The following TMCC1 variants were observed in gnomAD, a reference collection of about 807,000 sequenced individuals.
TMCC1 encodes the protein transmembrane and coiled-coil domain family 1.
In TMCC1, 15 loss-of-function variants were observed where a neutral mutation model predicts 52.4. That is an observed-to-expected ratio of 0.29 (90% CI 0.19 to 0.44). TMCC1 has a LOEUF of 0.44. TMCC1 is among the 20% of genes least tolerant of loss of function. TMCC1 has a pLI of 1.00. For missense variants in TMCC1, 503 were observed against 806.0 expected (o/e 0.62, Z 4.55); for synonymous variants, 279 against 301.9 (o/e 0.92, Z 0.79).
intron 2 of TMCC1, among the ~76,000 whole-genome samples, chr3:129,872,539 AT>A (rs1198876280): frequency 6.6e-6 from 1 of 152,202 alleles, no homozygotes; most frequent in Non-Finnish European, 1.5e-5. Flanking sequence ...ACTTCTGGGA[AT>A]TTCTTTCCTT....
intron 4 of TMCC1, chr3:129,688,606 C>A: frequency 1.0e-6 from 1 of 985,500 alleles, no homozygotes; most frequent in Non-Finnish European, 1.2e-6. Context: ...TCTCCTGTAG[C>A]AACTCTTAGA....
chr3:129,666,247 C>T (rs572846617), intron 5 of TMCC1, among the ~76,000 whole-genome samples: 151 of 152,172 alleles, frequency 9.9e-4, no homozygotes, highest in African/African-American at 3.4e-3. Flanking sequence ...ATAAAAAAAG[C>T]AGACAAACTG....
In TMCC1 at chr3:129,823,665, T is replaced by C. The variant is rs1326613549; in HGVS notation, c.576+4138A>G. On this transcript the variant is annotated intron_variant, in intron 4 of 6. Transcript: ENST00000393238. Reference sequence around the variant, plus strand: ...AAACAAACAAAAAAACAGTCTGCAATAGTAATTACCTTACACAAAACACAA... The same window carrying C: ...AAACAAACAAAAAAACAGTCTGCAACAGTAATTACCTTACACAAAACACAA... Among the ~76,000 whole-genome samples, 6 of 152,254 alleles carry C rather than the reference T, an allele frequency of 3.9e-5. No homozygotes were observed. In the South Asian group the frequency reaches 8.3e-4, roughly 21 times the overall value.
intron 1 of TMCC1, among the ~76,000 whole-genome samples, chr3:129,881,797 A>G (rs1057013448): frequency 3.3e-5 from 5 of 152,244 alleles, no homozygotes; most frequent in African/African-American, 1.2e-4. Flanking sequence ...AGACACAGAA[A>G]TAAAAACTAT....
intron 2 of TMCC1, among the ~76,000 whole-genome samples, chr3:129,859,431 G>T (rs780572039): frequency 1.1e-4 from 16 of 152,060 alleles, no homozygotes; most frequent in Non-Finnish European, 2.1e-4. Context: ...GAGGCCAGGA[G>T]TTTGAGAACA....
chr3:129,828,150 G>C lies in TMCC1; in HGVS notation c.229C>G (p.Pro77Ala). 2 of 1,614,134 alleles carry C rather than the reference G, an allele frequency of 1.2e-6. No individual in the cohort carries two copies. The highest frequency in any genetic ancestry group is 1.7e-6 in the Non-Finnish European group (2 of 1,180,036). Residue 77 changes from proline to alanine, a missense_variant, in exon 4 of 7, where the codon CCA becomes GCA. By Grantham distance (27) the Pro-to-Ala change is conservative. Around this residue, in one of 7 missense-constraint regions of TMCC1, gnomAD observed 217 missense variants for 297.9 expected, o/e 0.73. Coordinates refer to ENST00000393238, the MANE Select transcript of TMCC1 (RefSeq NM_001017395.5). This position sits in a 1 kb window ranked among gnomAD's most constrained non-coding sequence, Gnocchi z 4.1. ...PHDVQQIQADPEPEMDLESQN... is the reference protein window; with the variant it reads ...PHDVQQIQADAEPEMDLESQN... ...CTTTCCAGATCCATTTCAGGTTCTG[G>C]ATCTGCCTGAATTTGCTGCACATCA...
At chr3:129,815,033 G>C (rs1316075129) in intron 4 of TMCC1, among the ~76,000 whole-genome samples, 1 of 151,978 alleles carries the variant, frequency 6.6e-6, no homozygotes, top group Non-Finnish European at 1.5e-5. Context: ...AGACACAAAA[G>C]TTAAAGTAGA....
At chr3:129,765,137 C>A (rs1484752228) in intron 4 of TMCC1, among the ~76,000 whole-genome samples, 85 of 147,914 alleles carry the variant, frequency 5.7e-4, no homozygotes, top group African/African-American at 2.1e-3. Flanking sequence ...TTCAAATACT[C>A]AAAAAAAAAC....
chr3:129,680,825 G>A (rs956761712), intron 4 of TMCC1, among the ~76,000 whole-genome samples: 1 of 151,874 alleles, frequency 6.6e-6, no homozygotes, highest in Admixed American at 6.6e-5. Flanking sequence ...TGCTTGAACC[G>A]GGGGGTGGAG....
At chr3:129,827,750 C>G in intron 4 of TMCC1, 53 bp downstream of exon 4, 4 of 1,574,772 alleles carry the variant, frequency 2.5e-6, no homozygotes, top group Non-Finnish European at 2.6e-6. Context: ...TCTGGAGAGT[C>G]CTAGGTATGA....
intron 4 of TMCC1, among the ~76,000 whole-genome samples, chr3:129,800,334 G>C (rs2057108443): frequency 1.3e-5 from 2 of 152,048 alleles, no homozygotes; most frequent in Non-Finnish European, 2.9e-5. Context: ...TTTTTCTTGG[G>C]TATATGTAGC....
intron 4 of TMCC1, among the ~76,000 whole-genome samples, chr3:129,801,845 T>C (rs537947722): frequency 2.0e-5 from 3 of 152,214 alleles, no homozygotes; most frequent in Non-Finnish European, 4.4e-5. Flanking sequence ...ATCAGTCCAC[T>C]TCATGTCATT....
At chr3:129,699,979 T>C (rs1158860378) in intron 4 of TMCC1, among the ~76,000 whole-genome samples, 1 of 152,200 alleles carries the variant, frequency 6.6e-6, no homozygotes, top group Non-Finnish European at 1.5e-5. Flanking sequence ...GAGCTGTCCA[T>C]TACTATTTTT....
In TMCC1 at chr3:129,759,782, C is replaced by T. The variant is rs191767612; in HGVS notation, c.576+68021G>A. Among the ~76,000 whole-genome samples, 1,307 of 142,774 alleles carry T rather than the reference C, an allele frequency of 9.2e-3. 15 individuals carry two copies. Among genetic ancestry groups the T allele is most frequent in the African/African-American group, 0.033 (1,241 of 37,658 alleles). The allele number at this position is 142,774 out of a possible 152,430, so 93.7% of individuals were successfully genotyped here. ...TGTCACCCAGGCTGGAGTGCAGTGG[C>T]GCCATCTCGGCTCACTGCAAGCTCC... On this transcript the variant is annotated intron_variant, in intron 4 of 6. Coordinates refer to ENST00000393238, the MANE Select transcript of TMCC1 (RefSeq NM_001017395.5).
chr3:129,655,303 G>A (rs1024601856), intron 5 of TMCC1, among the ~76,000 whole-genome samples, 200 bp from the exon 6 acceptor site: 9 of 152,146 alleles, frequency 5.9e-5, no homozygotes, highest in African/African-American at 2.2e-4. Context: ...CAAATCACGT[G>A]GCAACATGGC....
chr3:129,803,295 T>C (rs1289040524), intron 4 of TMCC1, among the ~76,000 whole-genome samples: 2 of 152,138 alleles, frequency 1.3e-5, no homozygotes, highest in African/African-American at 2.4e-5. Context: ...ATTCCACTTA[T>C]ATGAGATATC....
chr3:129,778,031 G>A (rs2055184556), intron 4 of TMCC1, among the ~76,000 whole-genome samples: 1 of 152,166 alleles, frequency 6.6e-6, no homozygotes, highest in African/African-American at 2.4e-5. Context: ...CAAGGCTCCA[G>A]TGATATCTTC....
chr3:129,735,647 T>TAAAAAAA (rs55678236), intron 4 of TMCC1, among the ~76,000 whole-genome samples: 1 of 134,678 alleles, frequency 7.4e-6, no homozygotes, highest in African/African-American at 2.8e-5. Context: ...AAGACTCTCT[T>TAAAAAAA]AAAAAAAAAA....
intron 4 of TMCC1, among the ~76,000 whole-genome samples, chr3:129,736,151 C>T (rs2050941665): frequency 1.3e-5 from 2 of 152,156 alleles, no homozygotes; most frequent in African/African-American, 4.8e-5. Flanking sequence ...GCTGGGTCAC[C>T]TGAGTTAAGG....
Sources: allele counts gnomAD v4.1 joint callset (sites outside exome capture counted in the v4.1 genomes callset), GRCh38; gene constraint gnomAD v4.1.1; regional missense constraint gnomAD v4.1.1; non-coding constraint Gnocchi (gnomAD v3.1); transcripts MANE v1.5; gene names NCBI Gene and HGNC (gene_info 2026-07-23, HGNC 2026-07-21).